Variants in HRNR observed in about 807,000 individuals in gnomAD.
The protein encoded by HRNR is hornerin, also known as filaggrin family member 3.
A neutral mutation model predicts 4.8 loss-of-function variants in HRNR; 7 were observed. That is an observed-to-expected ratio of 1.47 (90% CI 0.83 to 2.75). HRNR has a LOEUF of 2.75. HRNR is among the 30% of genes most tolerant of loss of function. HRNR has a pLI of 0.00. For synonymous variants in HRNR, 1,023 were observed against 1,242.7 expected, an observed-to-expected ratio of 0.82 and a Z score of 3.72; for missense variants, 2,879 against 3,010.4, an observed-to-expected ratio of 0.96 and a Z score of 1.02.
Position 152,219,820 on chromosome 1 carries a change from G to A in HRNR, c.1809C>T (p.Ser603=), listed in dbSNP as rs757886660. The A allele has an allele frequency of 1.2e-6, 2 of 1,612,238 alleles. No homozygotes were observed. Among genetic ancestry groups the A allele is most frequent in the Non-Finnish European group, 1.7e-6 (2 of 1,178,746 alleles). ...GCCCATGGGTAGAGGAATGACCCGA[G>A]CTAGATCCGTGTTGACCGTAGCCAG... ...QSSGYGQHGS[S]SGHSSTHGQH... The change falls in exon 3 of 3, where the codon AGC becomes AGT. Residue 603 remains serine (S), a synonymous_variant. Transcript: ENST00000368801.
In HRNR at chr1:152,219,992, C is replaced by T. The variant is rs140632596; in HGVS notation, c.1637G>A (p.Gly546Asp). ...GSGQSPSPSRGRHESGSRQSS... is the reference protein window; with the variant it reads ...GSGQSPSPSRDRHESGSRQSS... ...CTGCCTGGAACCAGACTCATGTCGG[C>T]CACGGCTAGGGCTAGGAGACTGGCC... Residue 546 changes from glycine to aspartate, a missense_variant, in exon 3 of 3, where the codon GGC (glycine) becomes GAC (aspartate). Transcript: ENST00000368801. The T allele has an allele frequency of 8.7e-6, 14 of 1,612,330 alleles. No homozygotes were observed. The African/African-American group carries it at 1.3e-4, about 15-fold the overall frequency.
rs746845499 is a variant in HRNR, at chr1:152,220,588, G to A, written c.1041C>T (p.Gly347=). 3 of 1,608,264 alleles carry A rather than the reference G, an allele frequency of 1.9e-6. No homozygotes were observed. Among genetic ancestry groups the A allele is most frequent in the Non-Finnish European group, 2.6e-6 (3 of 1,175,796 alleles). ...CTGAGCCAGACTCATGTTGCCCAAA[G>A]CCAGAAGTCTGGCCTGAGCCAGACT... The part of the protein sequence containing the change: ...HYESGSGQTS[G]FGQHESGSGQ... Residue 347 remains glycine, a synonymous_variant, in exon 3 of 3, where the codon GGC becomes GGT. Transcript: ENST00000368801.
rs559696160 is a variant in HRNR, at chr1:152,213,225, C to T, written c.8404G>A (p.Gly2802Arg). 1.4e-5 allele frequency: 23 copies of T among 1,614,084 alleles called. No individual in the cohort carries two copies. In the African/African-American group the frequency reaches 2.0e-4, roughly 14 times the overall value. ...TACCCATCTTGCCCTGAGCCACTTCCATGCTGACTATAACCAGAGGACTGT... is the reference window on the plus strand; with the variant it reads ...TACCCATCTTGCCCTGAGCCACTTCTATGCTGACTATAACCAGAGGACTGT... ...SGQSSGYSQH[G>R]SGSGQDGYSY... The change falls in exon 3 of 3, where the codon GGA (glycine) becomes AGA (arginine). Residue 2802 changes from glycine to arginine, a missense_variant. Physicochemically the swap from Gly to Arg is moderately radical, Grantham distance 125. Coordinates refer to ENST00000368801, the MANE Select transcript of HRNR (RefSeq NM_001009931.3).
rs758873418 is a variant in HRNR, at chr1:152,219,316, T to A, written c.2313A>T (p.Gly771=). ...GGACACGGCTAGGAGAGTGGCCAGA[T>A]CCAGACCCTTGTCGGCCGTGGCCCG... ...QSSGHGRQGS[G]SGHSPSRVRH... Residue 771 remains glycine, a synonymous_variant, in exon 3 of 3, where the codon GGA becomes GGT. Transcript: ENST00000368801. The A allele has an allele frequency of 6.2e-7, 1 of 1,612,572 alleles. No individual in the cohort carries two copies. The highest frequency in any genetic ancestry group is 1.7e-5 in the Admixed American group (1 of 59,854).
chr1:152,221,851 A>G (rs1273258251), intron 2 of HRNR, among the ~76,000 whole-genome samples: 2 of 152,350 alleles, frequency 1.3e-5, no homozygotes, highest in South Asian at 4.1e-4. Flanking sequence ...TTAACTAGCT[A>G]CTTAATTTAC....
rs779637651 is a variant in HRNR, at chr1:152,221,311, G to A, written c.318C>T (p.His106=). Residue 106 remains histidine, a synonymous_variant, in exon 3 of 3, where the codon CAC becomes CAT. Coordinates refer to ENST00000368801, the MANE Select transcript of HRNR (RefSeq NM_001009931.3). The part of the protein sequence containing the change: ...VSGSKLRDDT[H]QHQEEQEETE... ...TTTCTTCTTGTTCCTCTTGGTGCTG[G>A]TGAGTGTCATCTCTCAGCTTTGACC... 3.1e-6 allele frequency: 5 copies of A among 1,613,930 alleles called. No individual in the cohort carries two copies. The highest frequency in any genetic ancestry group is 1.6e-4 in the Middle Eastern group (1 of 6,062).
Position 152,219,148 on chromosome 1 carries a change from G to T in HRNR, c.2481C>A (p.Gly827=). The T allele has an allele frequency of 1.9e-6, 3 of 1,613,464 alleles. No individual in the cohort carries two copies. The highest frequency in any genetic ancestry group is 8.5e-7 in the Non-Finnish European group (1 of 1,179,956). ...CTGAGGCAGAACCATGCTGACTATAGCCCTGTCCTGAGCCAGACTCGTGTT... is the reference window on the plus strand; with the variant it reads ...CTGAGGCAGAACCATGCTGACTATATCCCTGTCCTGAGCCAGACTCGTGTT... The part of the protein sequence containing the change: ...FGQHESGSGQ[G]YSQHGSASGH... Residue 827 remains glycine, a synonymous_variant, in exon 3 of 3, where the codon GGC becomes GGA. Transcript: ENST00000368801.
chr1:152,221,290 T>G lies in HRNR; in HGVS notation c.339A>C (p.Glu113Asp). The G allele has an allele frequency of 6.2e-7, 1 of 1,614,042 alleles. No individual in the cohort carries two copies. The highest frequency in any genetic ancestry group is 8.5e-7 in the Non-Finnish European group (1 of 1,180,026). ...DDTHQHQEEQEETEKEENKRQ... is the reference protein window; with the variant it reads ...DDTHQHQEEQDETEKEENKRQ... ...GTTTGTTCTCCTCTTTTTCAGTTTCTTCTTGTTCCTCTTGGTGCTGGTGAG... is the reference window on the plus strand; with the variant it reads ...GTTTGTTCTCCTCTTTTTCAGTTTCGTCTTGTTCCTCTTGGTGCTGGTGAG... Residue 113 changes from glutamate to aspartate, a missense_variant, in exon 3 of 3, where the codon GAA (glutamate) becomes GAC (aspartate). Around this residue, in one of 8 missense-constraint regions of HRNR, gnomAD observed 2,646 missense variants for 1,377.7 expected, o/e 1.92. Transcript: ENST00000368801.
rs1198777970 is a variant in HRNR at position 152,219,810 on chromosome 1, A to T, written c.1819T>A (p.Ser607Thr). ...YGQHGSSSGHSSTHGQHGSTS... is the reference protein window; with the variant it reads ...YGQHGSSSGHTSTHGQHGSTS... ...GAACCATGTTGCCCATGGGTAGAGG[A>T]ATGACCCGAGCTAGATCCGTGTTGA... Residue 607 changes from serine to threonine, a missense_variant, in exon 3 of 3, where the codon TCC (serine) becomes ACC (threonine). Around this residue, in one of 8 missense-constraint regions of HRNR, gnomAD observed 2,646 missense variants for 1,377.7 expected, o/e 1.92. Transcript: ENST00000368801. 6.2e-7 allele frequency: 1 copy of T among 1,612,194 alleles called. No homozygotes were observed. Among genetic ancestry groups the T allele is most frequent in the Admixed American group, 1.7e-5 (1 of 59,934 alleles).
At position 152,218,555 on chromosome 1, in the gene HRNR, C is replaced by A. The variant is rs141084185; in HGVS notation, c.3074G>T (p.Gly1025Val). Residue 1025 changes from glycine to valine, a missense_variant, in exon 3 of 3, where the codon GGC becomes GTC. Around this residue, in one of 8 missense-constraint regions of HRNR, gnomAD observed 2,646 missense variants for 1,377.7 expected, o/e 1.92. Coordinates refer to ENST00000368801, the MANE Select transcript of HRNR (RefSeq NM_001009931.3). ...GSGSGQSSSY[G>V]PYRSGSGWSS... ...CCACCCTGAGCCAGACCTATATGGG[C>A]CATAGCTGGAAGACTGCCCGGAACC... 71 of 1,613,714 alleles carry A rather than the reference C, an allele frequency of 4.4e-5. No homozygotes were observed. Among genetic ancestry groups the A allele is most frequent in the Non-Finnish European group, 5.3e-5 (63 of 1,179,966 alleles).
In HRNR at chr1:152,219,746, G is replaced by T. The variant is rs775124249; in HGVS notation, c.1883C>A (p.Ala628Asp). ...GTGGCTGGAAGACTGACCTGAGGTAGCTCCATGTTGGCCACAGCTCGATGA... is the reference window on the plus strand; with the variant it reads ...GTGGCTGGAAGACTGACCTGAGGTATCTCCATGTTGGCCACAGCTCGATGA... ...GQSSSCGQHG[A>D]TSGQSSSHGQ... is the part of the protein sequence containing the mutation. The change falls in exon 3 of 3, where the codon GCT becomes GAT. Residue 628 changes from alanine (A) to aspartate (D), a missense_variant. By Grantham distance (126) the Ala-to-Asp change is moderately radical. Coordinates refer to ENST00000368801, the MANE Select transcript of HRNR (RefSeq NM_001009931.3). 12 of 1,613,588 alleles carry T rather than the reference G, an allele frequency of 7.4e-6. No homozygotes were observed. The highest frequency in any genetic ancestry group is 1.0e-5 in the Non-Finnish European group (12 of 1,179,648).
chr1:152,219,670 G>A lies in HRNR; in HGVS notation c.1959C>T (p.Gly653=), dbSNP rs148441476. The change falls in exon 3 of 3, where the codon GGC becomes GGT. Residue 653 remains glycine, a synonymous_variant. Coordinates refer to ENST00000368801, the MANE Select transcript of HRNR (RefSeq NM_001009931.3). ...SSQSSRYGQQ[G]SGSGQSPSRG... ...GACTAGGAGACTGGCCAGATCCAGA[G>A]CCCTGTTGGCCATAGCGAGAAGACT... is the stretch of plus-strand genomic sequence containing the variant. 1 of 1,612,886 alleles carries A rather than the reference G, an allele frequency of 6.2e-7. No homozygotes were observed. Among genetic ancestry groups the A allele is most frequent in the Non-Finnish European group, 8.5e-7 (1 of 1,179,434 alleles).
At position 152,212,907 on chromosome 1, in the gene HRNR, TA is replaced by T; in HGVS notation, c.*168del. On this transcript the variant is annotated 3_prime_UTR_variant, in exon 3 of 3. Transcript: ENST00000368801. Reference sequence around the variant, plus strand: ...CTAACAGTCTTTGGAAGGAACCCCATAACAAGATATATGCTACAGTTTTAGG... The same window carrying T: ...CTAACAGTCTTTGGAAGGAACCCCATACAAGATATATGCTACAGTTTTAGG... The T allele has an allele frequency of 3.3e-6, 3 of 904,504 alleles. No homozygotes were observed. The highest frequency in any genetic ancestry group is 4.9e-6 in the Non-Finnish European group (3 of 613,542). 56.0% of individuals were successfully genotyped at this position (904,504 alleles called of 1,614,324 possible). A position where few individuals can be genotyped will look rare whatever the true frequency, so the allele number is the denominator to read the frequency against.
chr1:152,221,463 T>C lies in HRNR; in HGVS notation c.166A>G (p.Ile56Val). The C allele has an allele frequency of 6.2e-7, 1 of 1,608,264 alleles. No individual in the cohort carries two copies. Among genetic ancestry groups the C allele is most frequent in the South Asian group, 1.1e-5 (1 of 90,048 alleles). The change falls in exon 3 of 3, where the codon ATC (isoleucine) becomes GTC (valine). Residue 56 changes from isoleucine to valine, a missense_variant. This residue lies in a region of HRNR where 2,646 missense variants were observed against 1,377.7 expected (regional missense o/e 1.92). Coordinates refer to ENST00000368801, the MANE Select transcript of HRNR (RefSeq NM_001009931.3). ...TCTCGATCCAGACTTTGCAAGATGA[T>C]ATCCACAGTATCTGGATCGTTTGGA... ...KNPNDPDTVD[I>V]ILQSLDRDHN...
chr1:152,219,339 C>G lies in HRNR; in HGVS notation c.2290G>C (p.Gly764Arg). 2 of 1,612,248 alleles carry G rather than the reference C, an allele frequency of 1.2e-6. No homozygotes were observed. Among genetic ancestry groups the G allele is most frequent in the South Asian group, 2.2e-5 (2 of 90,992 alleles). The change falls in exon 3 of 3, where the codon GGC (glycine) becomes CGC (arginine). Residue 764 changes from glycine to arginine, a missense_variant. Gly to Arg is a moderately radical substitution (Grantham distance 125). Coordinates refer to ENST00000368801, the MANE Select transcript of HRNR (RefSeq NM_001009931.3). ...QHGSGSHQSS[G>R]HGRQGSGSGH... Reference sequence around the variant, plus strand: ...GATCCAGACCCTTGTCGGCCGTGGCCCGAAGATTGATGGGAGCCCGACCCA... The same window carrying G: ...GATCCAGACCCTTGTCGGCCGTGGCGCGAAGATTGATGGGAGCCCGACCCA...
chr1:152,218,551 T>A lies in HRNR; in HGVS notation c.3078A>T (p.Pro1026=), dbSNP rs766650488. The A allele has an allele frequency of 3.1e-6, 5 of 1,613,628 alleles. No homozygotes were observed. In the East Asian group the frequency reaches 6.7e-5, roughly 22 times the overall value. ...AAGACCACCCTGAGCCAGACCTATA[T>A]GGGCCATAGCTGGAAGACTGCCCGG... ...SGSGQSSSYG[P]YRSGSGWSSS... Residue 1026 remains proline, a synonymous_variant, in exon 3 of 3, where the codon CCA becomes CCT. Coordinates refer to ENST00000368801, the MANE Select transcript of HRNR (RefSeq NM_001009931.3).
In HRNR at chr1:152,213,204, C is replaced by T. The variant is rs756387923; in HGVS notation, c.8425G>A (p.Gly2809Arg). 5.6e-6 allele frequency: 9 copies of T among 1,614,150 alleles called. No homozygotes were observed. The Admixed American group carries it at 6.7e-5, about 12-fold the overall frequency. The change falls in exon 3 of 3, where the codon GGG becomes AGG. Residue 2809 changes from glycine (G) to arginine (R), a missense_variant. Transcript: ENST00000368801. ...SQHGSGSGQDGYSYCKGGSNH... is the reference protein window; with the variant it reads ...SQHGSGSGQDRYSYCKGGSNH... ...CTTCCTCCTTTGCAATAAGAATACC[C>T]ATCTTGCCCTGAGCCACTTCCATGC...
In HRNR at chr1:152,220,094, C is replaced by A. The variant is rs1192965147; in HGVS notation, c.1535G>T (p.Gly512Val). ...ATGCTGACCATAGCTGGAAGATGAA[C>A]CTGCACTAGATCCTTGTCGTTCACC... ...SRGERQGSSA[G>V]SSSSYGQHGS... Residue 512 changes from glycine to valine, a missense_variant, in exon 3 of 3, where the codon GGT becomes GTT. By Grantham distance (109) the Gly-to-Val change is moderately radical. Transcript: ENST00000368801. 5.0e-6 allele frequency: 8 copies of A among 1,613,566 alleles called. No homozygotes were observed. The highest frequency in any genetic ancestry group is 6.8e-6 in the Non-Finnish European group (8 of 1,179,762).
chr1:152,220,363 C>G lies in HRNR; in HGVS notation c.1266G>C (p.Gln422His). The G allele has an allele frequency of 6.2e-7, 1 of 1,613,714 alleles. No individual in the cohort carries two copies. Among genetic ancestry groups the G allele is most frequent in the Admixed American group, 1.7e-5 (1 of 59,976 alleles). The change falls in exon 3 of 3, where the codon CAG (glutamine) becomes CAC (histidine). Residue 422 changes from glutamine (Q) to histidine (H), a missense_variant. Transcript: ENST00000368801. ...GRGQHSSGSG[Q>H]SPGHGQRGSG... Reference sequence around the variant, plus strand: ...ACCCACGCTGGCCGTGGCCTGGAGACTGGCCAGATCCAGAGCTGTGTTGGC... The same window carrying G: ...ACCCACGCTGGCCGTGGCCTGGAGAGTGGCCAGATCCAGAGCTGTGTTGGC...
Sources: gnomAD v4.1 joint callset for allele counts (sites outside exome capture counted in the v4.1 genomes callset) on GRCh38, gnomAD v4.1.1 for gene constraint, gnomAD v4.1.1 regional missense constraint, MANE v1.5 for transcripts, NCBI Gene and HGNC (gene_info 2026-07-23, HGNC 2026-07-21) for gene names.